SDK1: variants seen among roughly 807,000 people sequenced by gnomAD.
SDK1 encodes protein sidekick-1.
Under a neutral mutation model 245.5 loss-of-function variants are expected in SDK1, and 157 were observed. The ratio of observed to expected loss-of-function variants is 0.64; its 90% CI spans 0.56 to 0.73. The LOEUF is 0.73. SDK1 is among the 30% of genes least tolerant of loss of function. SDK1 has a pLI of 0.00. For synonymous variants in SDK1, 1,647 were observed against 1,278.5 expected (o/e 1.29, Z -6.15); for missense variants, 3,583 against 3,002.3 (o/e 1.19, Z -4.52).
intron 4 of SDK1, among the ~76,000 whole-genome samples, chr7:3,647,431 T>C (rs1054299577): frequency 5.3e-5 from 8 of 152,164 alleles, no homozygotes; most frequent in African/African-American, 9.7e-5. Context: ...CTTTTCTGTT[T>C]TGAAAGTTGG....
intron 1 of SDK1, among the ~76,000 whole-genome samples, chr7:3,353,497 C>T (rs1030476966): frequency 6.6e-6 from 1 of 152,108 alleles, no homozygotes; most frequent in African/African-American, 2.4e-5. Context: ...ATTAGAATAG[C>T]ATATGTTCTC....
intron 17 of SDK1, among the ~76,000 whole-genome samples, chr7:4,020,005 G>A (rs1786754533): frequency 6.6e-6 from 1 of 152,146 alleles, no homozygotes; most frequent in South Asian, 2.1e-4. Context: ...TCTCCCTGGA[G>A]CTTGCTGGGA....
chr7:4,234,945 C>G (rs1045392725), intron 41 of SDK1, among the ~76,000 whole-genome samples: 4 of 152,214 alleles, frequency 2.6e-5, no homozygotes, highest in Non-Finnish European at 5.9e-5. Flanking sequence ...TAGGAAGAAG[C>G]TGTTCCTCTC....
chr7:3,916,176 A>G (rs1014118134), intron 5 of SDK1, among the ~76,000 whole-genome samples: 3 of 152,110 alleles, frequency 2.0e-5, no homozygotes, highest in Non-Finnish European at 2.9e-5. Flanking sequence ...AGAGGAGGCA[A>G]TGAGGCCAGT....
At chr7:3,680,431 C>G (rs140124184) in intron 4 of SDK1, among the ~76,000 whole-genome samples, 107 of 152,232 alleles carry the variant, frequency 7.0e-4, no homozygotes, top group African/African-American at 2.4e-3. Flanking sequence ...CGTGATAAAA[C>G]TGCATAAAAC....
chr7:3,888,258 T>G (rs1366280070), intron 5 of SDK1, among the ~76,000 whole-genome samples: 1 of 152,240 alleles, frequency 6.6e-6, no homozygotes, highest in Non-Finnish European at 1.5e-5. Context: ...AATTCCTTGT[T>G]CCATGTGAGA....
At chr7:3,901,123 C>T (rs1313184333) in intron 5 of SDK1, among the ~76,000 whole-genome samples, 1 of 152,284 alleles carries the variant, frequency 6.6e-6, no homozygotes, top group Admixed American at 6.5e-5. Flanking sequence ...GCAGAATGTC[C>T]TTCAGTCTTG....
At position 3,991,039 on chromosome 7, in the gene SDK1, C is replaced by T. The variant is rs73673211; in HGVS notation, c.2131+3717C>T. On this transcript the variant is annotated intron_variant, in intron 14 of 44. Coordinates refer to ENST00000404826, the MANE Select transcript of SDK1 (RefSeq NM_152744.4). The stretch of plus-strand genomic sequence containing the variant: ...GAGCTGACGTGATCAGTGTCCACTG[C>T]GAACAGCAAGGAGACAGTCAGAGGC... Among the ~76,000 whole-genome samples the T allele has an allele frequency of 5.4e-3, 816 of 152,312 alleles. 7 individuals carry two copies. The highest frequency in any genetic ancestry group is 0.018 in the African/African-American group (769 of 41,574).
chr7:4,130,154 A>T, intron 27 of SDK1, 57 bp downstream of exon 27: 2 of 1,463,292 alleles, frequency 1.4e-6, no homozygotes, highest in Non-Finnish European at 1.8e-6. Flanking sequence ...TGGCCTTTCC[A>T]ATGCAAACAA....
At chr7:3,889,151 A>T (rs1194679647) in intron 5 of SDK1, among the ~76,000 whole-genome samples, 2 of 152,234 alleles carry the variant, frequency 1.3e-5, no homozygotes, top group African/African-American at 4.8e-5. Context: ...TGAAAGTGAT[A>T]TCTAATCAAT....
intron 1 of SDK1, among the ~76,000 whole-genome samples, chr7:3,530,789 T>A (rs376790747): frequency 3.2e-4 from 48 of 152,304 alleles, no homozygotes; most frequent in African/African-American, 1.1e-3. Flanking sequence ...AAGTTACTAG[T>A]GAGTCTTTGA....
chr7:3,857,445 G>C (rs972820099), intron 5 of SDK1, among the ~76,000 whole-genome samples: 26 of 152,296 alleles, frequency 1.7e-4, no homozygotes, highest in African/African-American at 6.3e-4. Context: ...CACTTTGGGA[G>C]GACATGGCAG....
At chr7:3,925,044 A>T (rs988528715) in intron 5 of SDK1, among the ~76,000 whole-genome samples, 4 of 151,952 alleles carry the variant, frequency 2.6e-5, no homozygotes, top group Admixed American at 6.6e-5. Context: ...TTGTCAGCTC[A>T]TTTTCCCCTT....
intron 22 of SDK1, among the ~76,000 whole-genome samples, chr7:4,089,360 C>A (rs2128182930): frequency 1.3e-5 from 2 of 152,348 alleles, no homozygotes; most frequent in South Asian, 4.1e-4. Flanking sequence ...AGCACTCTTC[C>A]ATTTGTGAGG....
At chr7:3,708,170 G>A (rs570173941) in intron 4 of SDK1, among the ~76,000 whole-genome samples, 1 of 152,218 alleles carries the variant, frequency 6.6e-6, no homozygotes, top group East Asian at 1.9e-4. Context: ...TGAGAGGGGA[G>A]ATGCCACACA....
At chr7:3,456,259 C>A (rs2128593344) in intron 1 of SDK1, among the ~76,000 whole-genome samples, 1 of 152,240 alleles carries the variant, frequency 6.6e-6, no homozygotes, top group East Asian at 1.9e-4. Context: ...ATGTCTTTTG[C>A]TAAATTTGGG....
intron 28 of SDK1, among the ~76,000 whole-genome samples, chr7:4,133,076 C>G (rs1482179929): frequency 6.6e-6 from 1 of 152,176 alleles, no homozygotes; most frequent in Non-Finnish European, 1.5e-5. Context: ...AGAGAAGATG[C>G]AGACCTAGCC....
chr7:4,017,295 A>C lies in SDK1; in HGVS notation c.2545A>C (p.Asn849His). 6.2e-7 allele frequency: 1 copy of C among 1,614,046 alleles called. No individual in the cohort carries two copies. The highest frequency in any genetic ancestry group is 8.5e-7 in the Non-Finnish European group (1 of 1,179,948). Residue 849 changes from asparagine (N) to histidine (H), a missense_variant, in exon 17 of 45, where the codon AAC becomes CAC. Physicochemically the swap from Asn to His is moderately conservative, Grantham distance 68 (BLOSUM62 1). Transcript: ENST00000404826. ...TQYEIQVAAYNGAGLGVFSRA... is the reference protein window; with the variant it reads ...TQYEIQVAAYHGAGLGVFSRA... The stretch of plus-strand genomic sequence containing the variant: ...GTATGAGATACAGGTGGCGGCGTAC[A>C]ACGGGGCCGGTCTGGGCGTCTTCAG...
chr7:3,322,031 G>T, intron 1 of SDK1, among the ~76,000 whole-genome samples: 1 of 147,728 alleles, frequency 6.8e-6, no homozygotes. Flanking sequence ...TTTCACTTAG[G>T]TGCCACACAG....
Sources: gnomAD v4.1 joint callset for allele counts (sites outside exome capture counted in the v4.1 genomes callset) on GRCh38, gnomAD v4.1.1 for gene constraint, MANE v1.5 for transcripts, NCBI Gene and HGNC (gene_info 2026-07-23, HGNC 2026-07-21) for gene names.